Variants in KCTD16 observed in about 807,000 individuals in gnomAD.
KCTD16 encodes the protein BTB/POZ domain-containing protein KCTD16.
Under a neutral mutation model 33.2 loss-of-function variants are expected in KCTD16, and 13 were observed. The ratio of observed to expected loss-of-function variants is 0.39; its 90% CI spans 0.25 to 0.62. KCTD16 has a LOEUF of 0.62. Among genes scored for constraint, KCTD16 ranks in the 20% least tolerant of loss-of-function variants. The pLI is 0.50. For missense variants in KCTD16, 441 were observed against 525.1 expected, an observed-to-expected ratio of 0.84 and a Z score of 1.57; for synonymous variants, 197 against 195.3, an observed-to-expected ratio of 1.01 and a Z score of -0.07.
At chr5:144,230,354 G>T (rs914803754) in intron 3 of KCTD16, among the ~76,000 whole-genome samples, 4 of 152,136 alleles carry the variant, frequency 2.6e-5, no homozygotes, top group Non-Finnish European at 5.9e-5. Flanking sequence ...AATAGAAAAT[G>T]AAAGTGCTGA....
intron 3 of KCTD16, among the ~76,000 whole-genome samples, chr5:144,325,361 G>A (rs1338610071): frequency 6.6e-6 from 1 of 152,130 alleles, no homozygotes; most frequent in Non-Finnish European, 1.5e-5. Flanking sequence ...AAGTCACAAG[G>A]CTGCTTAGAG....
chr5:144,271,498 C>T (rs1414306130), intron 3 of KCTD16, among the ~76,000 whole-genome samples: 2 of 151,656 alleles, frequency 1.3e-5, no homozygotes, highest in African/African-American at 4.8e-5. Flanking sequence ...AGGAAATTAC[C>T]TCAACATAAT....
intron 3 of KCTD16, among the ~76,000 whole-genome samples, chr5:144,460,586 CATA>C (rs1309136886): frequency 2.0e-5 from 3 of 152,170 alleles, no homozygotes; most frequent in East Asian, 3.9e-4. Context: ...GAATTACAGG[CATA>C]GGCCACCACA....
intron 3 of KCTD16, among the ~76,000 whole-genome samples, chr5:144,430,192 T>G (rs1234962243): frequency 6.6e-6 from 1 of 152,166 alleles, no homozygotes; most frequent in East Asian, 1.9e-4. Flanking sequence ...CCCTTCCAAC[T>G]TGGCAAGCAT....
At chr5:144,301,266 G>A (rs1198250860) in intron 3 of KCTD16, among the ~76,000 whole-genome samples, 3 of 150,596 alleles carry the variant, frequency 2.0e-5, no homozygotes, top group Non-Finnish European at 1.5e-5. Flanking sequence ...AAAAAAGATC[G>A]TGAAGGACAT....
At chr5:144,296,153 A>G (rs1756029173) in intron 3 of KCTD16, among the ~76,000 whole-genome samples, 1 of 152,172 alleles carries the variant, frequency 6.6e-6, no homozygotes, top group Admixed American at 6.6e-5. Flanking sequence ...TCTCTACAGA[A>G]CAGTTACAGG....
chr5:144,419,214 A>G (rs1056103085), intron 3 of KCTD16, among the ~76,000 whole-genome samples: 6 of 152,104 alleles, frequency 3.9e-5, no homozygotes, highest in Admixed American at 3.3e-4. Context: ...CACTATTGTA[A>G]TTTGCATCCC....
chr5:144,322,225 C>T (rs890446042), intron 3 of KCTD16, among the ~76,000 whole-genome samples: 2 of 152,028 alleles, frequency 1.3e-5, no homozygotes, highest in Admixed American at 6.6e-5. Flanking sequence ...AAGAGAATGT[C>T]GTGGACACCT....
At chr5:144,288,226 T>G (rs1755801539) in intron 3 of KCTD16, among the ~76,000 whole-genome samples, 1 of 152,012 alleles carries the variant, frequency 6.6e-6, no homozygotes, top group Non-Finnish European at 1.5e-5. Flanking sequence ...CAGAAAAGAG[T>G]GGCTTAAATT....
intron 3 of KCTD16, among the ~76,000 whole-genome samples, chr5:144,256,306 T>TA (rs1293130780): frequency 6.6e-6 from 1 of 152,236 alleles, no homozygotes; most frequent in African/African-American, 2.4e-5. Flanking sequence ...ATTTGGAGTC[T>TA]AAAACCAAAG....
chr5:144,443,067 T>C (rs1753748205), intron 3 of KCTD16, among the ~76,000 whole-genome samples: 1 of 152,138 alleles, frequency 6.6e-6, no homozygotes, highest in Non-Finnish European at 1.5e-5. Context: ...CTTGGCCTTG[T>C]TTGCCTAGAA....
At chr5:144,442,232 A>C (rs1014851652) in intron 3 of KCTD16, among the ~76,000 whole-genome samples, 2 of 152,090 alleles carry the variant, frequency 1.3e-5, no homozygotes, top group South Asian at 2.1e-4. Context: ...TTGTGCTAGC[A>C]GGGTTTCAGC....
At chr5:144,330,233 T>C (rs1275660243) in intron 3 of KCTD16, among the ~76,000 whole-genome samples, 1 of 151,838 alleles carries the variant, frequency 6.6e-6, no homozygotes, top group Non-Finnish European at 1.5e-5. Flanking sequence ...ACCAATATGG[T>C]GAAACCCCGT....
chr5:144,256,757 A>G (rs1340622488), intron 3 of KCTD16, among the ~76,000 whole-genome samples: 1 of 152,162 alleles, frequency 6.6e-6, no homozygotes, highest in Non-Finnish European at 1.5e-5. Flanking sequence ...GGAGCCATTC[A>G]TCATGTTGCT....
At chr5:144,189,427 C>T (rs544648981) in intron 2 of KCTD16, among the ~76,000 whole-genome samples, 27 of 149,078 alleles carry the variant, frequency 1.8e-4, no homozygotes, top group Non-Finnish European at 3.7e-4. Context: ...ACCTGGGAGG[C>T]GGAGCTTGCA....
chr5:144,287,869 C>T (rs768700008), intron 3 of KCTD16, among the ~76,000 whole-genome samples: 7 of 152,072 alleles, frequency 4.6e-5, no homozygotes, highest in African/African-American at 1.4e-4. Flanking sequence ...CTCCTGACCT[C>T]GTGATCCCCC....
intron 2 of KCTD16, among the ~76,000 whole-genome samples, chr5:144,203,879 T>C (rs1753100257): frequency 6.6e-6 from 1 of 152,244 alleles, no homozygotes; most frequent in Non-Finnish European, 1.5e-5. Flanking sequence ...CTAAATGTTT[T>C]GGCCCTATTA....
rs1028824328 is a variant in KCTD16, at chr5:144,480,999, T to A, written c.*6885T>A. On this transcript the variant is annotated 3_prime_UTR_variant, in exon 4 of 4. Coordinates refer to ENST00000512467, the MANE Select transcript of KCTD16 (RefSeq NM_020768.4). Reference sequence around the variant, plus strand: ...GAAGTTAGACATAATTATCTCTTTATGCAGATGTGAAAGCTGAGATTTACA... The same window carrying A: ...GAAGTTAGACATAATTATCTCTTTAAGCAGATGTGAAAGCTGAGATTTACA... The A allele has an allele frequency of 1.3e-5, 2 of 152,014 alleles. No homozygotes were observed. The highest frequency in any genetic ancestry group is 4.8e-5 in the African/African-American group (2 of 41,430). The allele number at this position is 152,014 out of a possible 1,614,324, so 9.4% of individuals were successfully genotyped here.
chr5:144,445,151 A>C (rs1020630216), intron 3 of KCTD16, among the ~76,000 whole-genome samples: 1 of 151,742 alleles, frequency 6.6e-6, no homozygotes. Context: ...TCTCTAGGAC[A>C]CTTTTGATCT....
Sources: allele counts gnomAD v4.1 joint callset (sites outside exome capture counted in the v4.1 genomes callset), GRCh38; gene constraint gnomAD v4.1.1; transcripts MANE v1.5; gene names NCBI Gene and HGNC (gene_info 2026-07-23, HGNC 2026-07-21).